The following PIBF1 variants were observed in gnomAD, a reference collection of about 807,000 sequenced individuals.
PIBF1 encodes progesterone immunomodulatory binding factor 1.
In PIBF1, 90 loss-of-function variants were observed where a neutral mutation model predicts 112.5. The ratio of observed to expected loss-of-function variants is 0.80; its 90% CI spans 0.67 to 0.95. PIBF1 has a LOEUF of 0.95. PIBF1 is among the 40% of genes least tolerant of loss of function. The pLI is 0.00. For missense variants in PIBF1, 915 were observed against 852.3 expected, an observed-to-expected ratio of 1.07 and a Z score of -0.92; for synonymous variants, 301 against 288.6, an observed-to-expected ratio of 1.04 and a Z score of -0.44.
At chr13:72,949,851 G>A (rs1261395563) in intron 14 of PIBF1, among the ~76,000 whole-genome samples, 1 of 152,070 alleles carries the variant, frequency 6.6e-6, no homozygotes, top group Admixed American at 6.5e-5. Flanking sequence ...GGATAAATGT[G>A]TAATATTTTC....
In PIBF1 at chr13:72,827,815, G is replaced by A. The variant is rs376755905; in HGVS notation, c.998G>A (p.Arg333His). The part of the protein sequence containing the change: ...LNRQNMELSV[R>H]CAHEEDRLER... ...CGCCAAAACATGGAGCTTAGTGTTC[G>A]CTGTGCTCATGAAGAGGATCGCCTT... Residue 333 changes from arginine (R) to histidine (H), a missense_variant, in exon 8 of 18, where the codon CGC (arginine) becomes CAC (histidine). By Grantham distance (29) the Arg-to-His change is conservative. Transcript: ENST00000326291. 2.5e-5 allele frequency: 40 copies of A among 1,604,284 alleles called. No individual in the cohort carries two copies. Among genetic ancestry groups the A allele is most frequent in the Middle Eastern group, 1.7e-4 (1 of 6,052 alleles).
intron 14 of PIBF1, among the ~76,000 whole-genome samples, chr13:72,935,323 A>C (rs538953196): frequency 1.3e-5 from 2 of 152,056 alleles, no homozygotes; most frequent in Non-Finnish European, 2.9e-5. Flanking sequence ...TATAGTATGT[A>C]TATGCTTTTT....
At chr13:72,888,085 C>A (rs2039925851) in intron 10 of PIBF1, among the ~76,000 whole-genome samples, 1 of 151,922 alleles carries the variant, frequency 6.6e-6, no homozygotes, top group Non-Finnish European at 1.5e-5. Flanking sequence ...GGAAATTCAA[C>A]CATTCAGAGT....
chr13:72,967,328 C>T (rs745650270), intron 15 of PIBF1, among the ~76,000 whole-genome samples: 18 of 152,148 alleles, frequency 1.2e-4, no homozygotes, highest in Non-Finnish European at 2.5e-4. Flanking sequence ...ACTCCTTTCA[C>T]AGTTATCTCC....
intron 12 of PIBF1, among the ~76,000 whole-genome samples, chr13:72,916,310 T>G (rs766666289): frequency 7.9e-5 from 12 of 151,850 alleles, no homozygotes; most frequent in Non-Finnish European, 1.6e-4. Context: ...GAGAATCGCT[T>G]GAACCTGGGA....
intron 9 of PIBF1, among the ~76,000 whole-genome samples, chr13:72,838,847 A>G (rs965121109): frequency 6.6e-6 from 1 of 152,186 alleles, no homozygotes; most frequent in Non-Finnish European, 1.5e-5. Flanking sequence ...AAGGAAAGGA[A>G]ATTGGGGGAA....
chr13:72,973,535 T>G (rs1312655286), intron 15 of PIBF1, 56 bp from the exon 16 acceptor site: 1 of 809,908 alleles, frequency 1.2e-6, no homozygotes, highest in East Asian at 2.7e-5. Flanking sequence ...TTACCATTTA[T>G]TAACTATATT....
Position 72,963,888 on chromosome 13 carries a change from G to A in PIBF1, c.1834-1386G>A, listed in dbSNP as rs117916209. ...AATCAAATTTCTTGCTGGTAGGAAT[G>A]TAAAATGGTATCACCACTGTGGAAC... On this transcript the variant is annotated intron_variant, in intron 14 of 17. Coordinates refer to ENST00000326291, the MANE Select transcript of PIBF1 (RefSeq NM_006346.4). Among the ~76,000 whole-genome samples, 1,292 of 152,226 alleles carry A rather than the reference G, an allele frequency of 8.5e-3. 65 individuals are homozygous for A. The highest frequency in any genetic ancestry group is 9.7e-3 in the East Asian group (50 of 5,172).
chr13:72,912,138 G>A (rs939398687), intron 12 of PIBF1, among the ~76,000 whole-genome samples: 3 of 152,122 alleles, frequency 2.0e-5, no homozygotes, highest in Non-Finnish European at 4.4e-5. Flanking sequence ...TCACCATAGA[G>A]CCTTCACACA....
At chr13:72,926,670 A>G (rs557741489) in intron 13 of PIBF1, among the ~76,000 whole-genome samples, 56 of 152,282 alleles carry the variant, frequency 3.7e-4, no homozygotes, top group African/African-American at 1.3e-3. Flanking sequence ...CTCACCATGC[A>G]CCATATATTA....
intron 10 of PIBF1, chr13:72,884,363 G>C (rs1249582749): frequency 6.6e-6 from 1 of 152,018 alleles, no homozygotes; most frequent in Non-Finnish European, 1.5e-5. Context: ...AACCCACTTA[G>C]TCATGGTTAC....
At chr13:72,880,102 G>A (rs1297626954) in intron 10 of PIBF1, among the ~76,000 whole-genome samples, 1 of 152,022 alleles carries the variant, frequency 6.6e-6, no homozygotes, top group African/African-American at 2.4e-5. Context: ...TGAATAGATG[G>A]GTCACCATTT....
rs143664392 is a variant in PIBF1, at chr13:72,830,688, G to C, written c.1097+2774G>C. Among the ~76,000 whole-genome samples, 839 of 152,264 alleles carry C rather than the reference G, an allele frequency of 5.5e-3. 1 individual carries two copies. The highest frequency in any genetic ancestry group is 9.5e-3 in the Non-Finnish European group (648 of 68,008). ...GGATTTGGTTTGCCAGTATTTTATT[G>C]AGGATTTTTACATTGATGTTCATCA... On this transcript the variant is annotated intron_variant, in intron 8 of 17. Coordinates refer to ENST00000326291, the MANE Select transcript of PIBF1 (RefSeq NM_006346.4).
At chr13:72,886,207 CTT>C (rs2039846036) in intron 10 of PIBF1, among the ~76,000 whole-genome samples, 1 of 151,960 alleles carries the variant, frequency 6.6e-6, no homozygotes, top group Non-Finnish European at 1.5e-5. Context: ...TTTCTAATGA[CTT>C]TTTAAGATTC....
chr13:72,964,191 T>C (rs1193012098), intron 14 of PIBF1, among the ~76,000 whole-genome samples: 2 of 152,202 alleles, frequency 1.3e-5, no homozygotes, highest in East Asian at 3.8e-4. Context: ...ACAACATAGA[T>C]GAACTTTGAA....
chr13:72,950,830 T>C (rs951620963), intron 14 of PIBF1, among the ~76,000 whole-genome samples: 2 of 152,160 alleles, frequency 1.3e-5, no homozygotes, highest in South Asian at 2.1e-4. Context: ...AAGTGAAATA[T>C]ATACTCATTT....
intron 12 of PIBF1, among the ~76,000 whole-genome samples, chr13:72,911,978 G>C (rs2040909790): frequency 6.7e-6 from 1 of 148,294 alleles, no homozygotes; most frequent in Admixed American, 6.8e-5. Flanking sequence ...AAGAGAAAGA[G>C]AGAAGGAAAG....
chr13:73,003,444 G>A (rs981264552), intron 17 of PIBF1, among the ~76,000 whole-genome samples: 42 of 151,794 alleles, frequency 2.8e-4, no homozygotes, highest in African/African-American at 8.7e-4. Flanking sequence ...TTGTAGAGAC[G>A]GGGTTTCACC....
chr13:73,009,124 A>G (rs1207722700), intron 17 of PIBF1, among the ~76,000 whole-genome samples: 3 of 152,124 alleles, frequency 2.0e-5, no homozygotes, highest in Non-Finnish European at 4.4e-5. Context: ...CTCAGCCATC[A>G]TGTCTGCATT....
Sources: gnomAD v4.1 joint callset for allele counts (sites outside exome capture counted in the v4.1 genomes callset) on GRCh38, gnomAD v4.1.1 for gene constraint, MANE v1.5 for transcripts, NCBI Gene and HGNC (gene_info 2026-07-23, HGNC 2026-07-21) for gene names.